Variants in STN1 observed in about 807,000 individuals in gnomAD.
The protein encoded by STN1 is CST complex subunit STN1.
STN1 carries 29 observed loss-of-function variants against 45.5 expected under a neutral mutation model. That is an observed-to-expected ratio of 0.64 (90% confidence interval 0.47 to 0.87). The LOEUF (loss-of-function observed/expected upper bound fraction) is 0.87, where lower values mean the gene tolerates loss of function less well. STN1 is among the 40% of genes least tolerant of loss of function. The pLI, the probability that STN1 is intolerant of heterozygous loss-of-function variation, is 0.00. For synonymous variants in STN1, 148 were observed against 159.0 expected (o/e 0.93, Z 0.52); for missense variants, 376 against 441.4 (o/e 0.85, Z 1.33).
chr10:103,880,947 C>T lies in STN1; in HGVS notation c.*1737G>A, dbSNP rs972130930. Among the ~76,000 whole-genome samples the T allele has an allele frequency of 1.3e-5, 2 of 152,120 alleles. No homozygotes were observed. The highest frequency in any genetic ancestry group is 4.8e-5 in the African/African-American group (2 of 41,416). On this transcript the variant is annotated 3_prime_UTR_variant, in exon 10 of 10. Coordinates refer to ENST00000224950, the MANE Select transcript of STN1 (RefSeq NM_024928.5). ...AGACCTCCATGCAGAAATATACACT[C>T]TCTCTACGGATATATACATACACAC...
intron 2 of STN1, among the ~76,000 whole-genome samples, chr10:103,913,605 TG>T (rs1164342508): frequency 6.6e-6 from 1 of 152,084 alleles, no homozygotes; most frequent in Admixed American, 6.6e-5. Flanking sequence ...TATAGAAACG[TG>T]AACTATACGT....
chr10:103,894,871 G>T (rs1415183754), intron 7 of STN1, among the ~76,000 whole-genome samples: 2 of 152,040 alleles, frequency 1.3e-5, no homozygotes, highest in African/African-American at 4.8e-5. Context: ...GGTTTTGCAG[G>T]CCCTGCTTAT....
intron 7 of STN1, among the ~76,000 whole-genome samples, chr10:103,894,312 T>G (rs1333413563): frequency 5.3e-5 from 8 of 152,142 alleles, no homozygotes; most frequent in African/African-American, 1.9e-4. Flanking sequence ...TCTTTAAAAA[T>G]GACTCTTGGT....
intron 7 of STN1, among the ~76,000 whole-genome samples, chr10:103,893,260 C>G (rs1419671103): frequency 6.6e-6 from 1 of 152,110 alleles, no homozygotes; most frequent in Non-Finnish European, 1.5e-5. Flanking sequence ...GCTCCACCTC[C>G]TGGATTCATG....
intron 2 of STN1, among the ~76,000 whole-genome samples, chr10:103,914,366 A>ATTTTT (rs1437836812): frequency 2.9e-4 from 3 of 10,382 alleles, no homozygotes; most frequent in African/African-American, 4.6e-4. Flanking sequence ...ATATATATAT[A>ATTTTT]TATATATATT....
At chr10:103,888,778 C>T (rs1843119423) in intron 9 of STN1, among the ~76,000 whole-genome samples, 1 of 152,162 alleles carries the variant, frequency 6.6e-6, no homozygotes, top group Non-Finnish European at 1.5e-5. Flanking sequence ...CCTTGTCTAG[C>T]CCCCACCTCA....
chr10:103,888,859 C>T (rs954422949), intron 9 of STN1, among the ~76,000 whole-genome samples: 4 of 152,304 alleles, frequency 2.6e-5, no homozygotes, highest in Middle Eastern at 3.4e-3. Context: ...AAGGTTGAAT[C>T]TTATGTACAG....
At chr10:103,909,528 GTACATATATATGTACATATATATA>G (rs1564635206) in intron 3 of STN1, among the ~76,000 whole-genome samples, 5 of 57,808 alleles carry the variant, frequency 8.6e-5, no homozygotes, top group African/African-American at 1.7e-4. Flanking sequence ...GTATATATAT[GTACATATATATGTACATATATATA>G]TGCTGAGAAA....
At chr10:103,895,997 CA>C (rs1353827710) in intron 7 of STN1, among the ~76,000 whole-genome samples, 3 of 152,162 alleles carry the variant, frequency 2.0e-5, no homozygotes, top group African/African-American at 7.2e-5. Context: ...CTGTGTGAAA[CA>C]GAAGGGGCTA....
At chr10:103,896,833 GC>G (rs1052315034) in intron 7 of STN1, among the ~76,000 whole-genome samples, 1 of 151,858 alleles carries the variant, frequency 6.6e-6, no homozygotes, top group African/African-American at 2.4e-5. Flanking sequence ...ACTGCGCCTG[GC>G]CCCTCGTTAC....
At chr10:103,907,427 C>G (rs1157740121) in intron 3 of STN1, among the ~76,000 whole-genome samples, 7 of 152,190 alleles carry the variant, frequency 4.6e-5, no homozygotes, top group African/African-American at 1.7e-4. Context: ...ACTTTAAATA[C>G]TAAGAGCAGT....
intron 7 of STN1, among the ~76,000 whole-genome samples, chr10:103,894,907 A>G (rs1490482436): frequency 6.6e-6 from 1 of 152,152 alleles, no homozygotes; most frequent in Admixed American, 6.5e-5. Context: ...GCTAAGAAGG[A>G]CCACTATGAA....
chr10:103,899,986 C>G, intron 5 of STN1, 76 bp downstream of exon 5: 1 of 1,447,072 alleles, frequency 6.9e-7, no homozygotes, highest in Non-Finnish European at 9.5e-7. Flanking sequence ...GAAAGTTTGA[C>G]TTCCAGCTGA....
intron 8 of STN1, 24 bp from the exon 9 acceptor site, chr10:103,889,168 G>A: frequency 2.6e-6 from 4 of 1,524,398 alleles, no homozygotes; most frequent in Non-Finnish European, 3.6e-6. Context: ...ATAGTTGAGA[G>A]AGAGAGTGTT....
At chr10:103,905,914 T>C (rs1192339048) in intron 3 of STN1, among the ~76,000 whole-genome samples, 1 of 152,192 alleles carries the variant, frequency 6.6e-6, no homozygotes, top group Admixed American at 6.5e-5. Flanking sequence ...AGATGTTTGC[T>C]AGGGAATAAC....
intron 7 of STN1, among the ~76,000 whole-genome samples, chr10:103,897,289 G>A (rs1253749788): frequency 6.6e-6 from 1 of 150,588 alleles, no homozygotes; most frequent in African/African-American, 2.4e-5. Context: ...ACCAGCCTGG[G>A]CGACAGAGTG....
chr10:103,914,758 T>C (rs1443581949), intron 2 of STN1, among the ~76,000 whole-genome samples: 1 of 152,156 alleles, frequency 6.6e-6, no homozygotes. Context: ...TTTTCTTAGT[T>C]CAACTCTAAA....
chr10:103,902,519 G>A (rs917325157), intron 4 of STN1, among the ~76,000 whole-genome samples: 5 of 152,168 alleles, frequency 3.3e-5, no homozygotes, highest in African/African-American at 7.2e-5. Flanking sequence ...GAGAAGACTG[G>A]AGCCTGACAG....
rs7097097 is a variant in STN1 at position 103,897,723 on chromosome 10, C to T, written c.582-4G>A. The T allele has an allele frequency of 4.1e-3, 6,590 of 1,613,514 alleles. 150 individuals carry two copies. The African/African-American group carries it at 0.046, about 11-fold the overall frequency. ...GAGGTCCAGGGCGCCTGGATTGCTG[C>T]GGAGGGAAAGTTTTAAAGAGCTCTG... On this transcript the variant is annotated splice_polypyrimidine_tract_variant and splice_region_variant and intron_variant, in intron 6 of 9. Transcript: ENST00000224950.
Sources: gnomAD v4.1 joint callset for allele counts (sites outside exome capture counted in the v4.1 genomes callset) on GRCh38, gnomAD v4.1.1 for gene constraint, MANE v1.5 for transcripts, NCBI Gene and HGNC (gene_info 2026-07-23, HGNC 2026-07-21) for gene names.